The following SAMD12 variants were observed in gnomAD, a reference collection of about 807,000 sequenced individuals.
SAMD12 encodes sterile alpha motif domain containing 12, also known as sterile alpha motif domain-containing protein 12.
Under a neutral mutation model 15.0 loss-of-function variants are expected in SAMD12, and 9 were observed. That is an observed-to-expected ratio of 0.60 (90% confidence interval 0.36 to 1.05). SAMD12 has a LOEUF of 1.05. Ranked by LOEUF, SAMD12 falls within the 50% of genes least tolerant of loss-of-function variation. SAMD12 has a pLI of 0.01. For synonymous variants in SAMD12, 86 were observed against 90.1 expected (o/e 0.96, Z 0.25); for missense variants, 230 against 234.2 (o/e 0.98, Z 0.12).
intron 2 of SAMD12, among the ~76,000 whole-genome samples, chr8:118,441,876 T>C (rs1441930911): frequency 6.6e-6 from 1 of 152,158 alleles, no homozygotes; most frequent in East Asian, 1.9e-4. Context: ...AACCACCATG[T>C]TGTGAGGAAG....
intron 4 of SAMD12, among the ~76,000 whole-genome samples, chr8:118,274,808 T>C (rs1361879027): frequency 6.6e-6 from 1 of 152,152 alleles, no homozygotes; most frequent in Non-Finnish European, 1.5e-5. Flanking sequence ...TTTCCTCCTA[T>C]ATAGGAGGCC....
chr8:118,458,645 G>A (rs575927520), intron 2 of SAMD12, among the ~76,000 whole-genome samples: 12 of 152,216 alleles, frequency 7.9e-5, no homozygotes, highest in African/African-American at 2.6e-4. Context: ...ACTCATCAGC[G>A]AAGTCATTTG....
chr8:118,172,028 TCTCA>T, the SAMD12 span, among the ~76,000 whole-genome samples: 1 of 152,048 alleles, frequency 6.6e-6, no homozygotes, highest in African/African-American at 2.4e-5. Flanking sequence ...CACTGCATGT[TCTCA>T]CTCATAGGTG....
chr8:118,570,938 T>G (rs1374496282), intron 2 of SAMD12, among the ~76,000 whole-genome samples: 1 of 152,186 alleles, frequency 6.6e-6, no homozygotes, highest in Non-Finnish European at 1.5e-5. Flanking sequence ...CTGCTGCCAT[T>G]CATGTAAGAC....
intron 3 of SAMD12, among the ~76,000 whole-genome samples, chr8:118,411,511 T>G (rs1465060185): frequency 3.9e-5 from 6 of 152,206 alleles, no homozygotes. Context: ...CACAGGGATT[T>G]AAAAGAGTGT....
the SAMD12 span, among the ~76,000 whole-genome samples, chr8:118,167,352 T>C: frequency 6.6e-6 from 1 of 152,116 alleles, no homozygotes. Context: ...GCAAGAGGAA[T>C]GCAGCCCGTA....
At chr8:118,389,486 T>C (rs1037713552) in intron 3 of SAMD12, among the ~76,000 whole-genome samples, 1 of 152,160 alleles carries the variant, frequency 6.6e-6, no homozygotes, top group African/African-American at 2.4e-5. Context: ...GGCAGATCAC[T>C]TGAGGTCAGG....
chr8:118,184,235 GGCAAT>G, the SAMD12 span, among the ~76,000 whole-genome samples: 1 of 152,138 alleles, frequency 6.6e-6, no homozygotes, highest in Admixed American at 6.5e-5. Context: ...TTAATGATTT[GGCAAT>G]GTAATAGAAA....
chr8:118,561,101 TG>T (rs1269849424), intron 2 of SAMD12, among the ~76,000 whole-genome samples: 1 of 152,138 alleles, frequency 6.6e-6, no homozygotes, highest in Non-Finnish European at 1.5e-5. Flanking sequence ...TCCCAAACTA[TG>T]TAAGCTTTAA....
At chr8:118,307,496 C>T (rs1815408826) in intron 4 of SAMD12, among the ~76,000 whole-genome samples, 1 of 152,200 alleles carries the variant, frequency 6.6e-6, no homozygotes, top group Admixed American at 6.5e-5. Context: ...GTGAAGAGAG[C>T]TGTCATCAGC....
exon 5 of SAMD12, chr8:118,191,780 A>T (rs1423995720): frequency 2.3e-5 from 1 of 43,860 alleles, no homozygotes; most frequent in Non-Finnish European, 4.5e-5. Context: ...ATATATATAT[A>T]TATATATATA....
chr8:118,226,611 C>A (rs754772632), intron 4 of SAMD12, among the ~76,000 whole-genome samples: 3 of 152,178 alleles, frequency 2.0e-5, no homozygotes, highest in African/African-American at 7.2e-5. Flanking sequence ...ATATGCTGTG[C>A]ACTTTGTAAG....
At chr8:118,147,031 C>CTT in the SAMD12 span, among the ~76,000 whole-genome samples, 908 of 149,186 alleles carry the variant, frequency 6.1e-3, 3 homozygotes, top group Middle Eastern at 0.017. Flanking sequence ...GAGGCAGGAA[C>CTT]TTTTTTTTTT....
chr8:118,528,097 G>A (rs1398226340), intron 2 of SAMD12, among the ~76,000 whole-genome samples: 1 of 152,134 alleles, frequency 6.6e-6, no homozygotes, highest in Admixed American at 6.5e-5. Context: ...CATGATCTCA[G>A]CTCACTGCAA....
At chr8:118,331,695 T>A (rs570072369) in intron 4 of SAMD12, among the ~76,000 whole-genome samples, 7 of 152,168 alleles carry the variant, frequency 4.6e-5, no homozygotes, top group African/African-American at 1.7e-4. Flanking sequence ...AAAATAACAA[T>A]TTCTAAGAAG....
intron 2 of SAMD12, among the ~76,000 whole-genome samples, chr8:118,459,574 G>A (rs1823355850): frequency 6.6e-6 from 1 of 152,110 alleles, no homozygotes; most frequent in African/African-American, 2.4e-5. Flanking sequence ...TGATTTCAAA[G>A]CCACTTAAAA....
chr8:118,555,179 T>C (rs796963013), intron 2 of SAMD12, among the ~76,000 whole-genome samples: 2 of 152,318 alleles, frequency 1.3e-5, no homozygotes, highest in African/African-American at 4.8e-5. Context: ...ACAGCGTACC[T>C]CCTCACATCC....
chr8:118,431,292 A>G (rs1347489599), intron 3 of SAMD12, among the ~76,000 whole-genome samples: 1 of 152,178 alleles, frequency 6.6e-6, no homozygotes, highest in Non-Finnish European at 1.5e-5. Context: ...TTAATAAGAA[A>G]AAAGGAATTT....
chr8:118,416,984 A>G (rs1305082332), intron 3 of SAMD12, among the ~76,000 whole-genome samples: 2 of 152,196 alleles, frequency 1.3e-5, no homozygotes, highest in Non-Finnish European at 2.9e-5. Context: ...CCCGGTTTTT[A>G]ATTTTTATAA....
Sources: gnomAD v4.1 joint callset for allele counts (sites outside exome capture counted in the v4.1 genomes callset) on GRCh38, gnomAD v4.1.1 for gene constraint, MANE v1.5 for transcripts, NCBI Gene and HGNC (gene_info 2026-07-23, HGNC 2026-07-21) for gene names.